SEMA5B: variants seen among roughly 807,000 people sequenced by gnomAD.
The protein encoded by SEMA5B is semaphorin-5B.
Under a neutral mutation model 135.0 loss-of-function variants are expected in SEMA5B, and 66 were observed. The observed-to-expected ratio is 0.49, with a 90% CI of 0.40 to 0.60. The LOEUF is 0.60. Among genes scored for constraint, SEMA5B ranks in the 20% least tolerant of loss-of-function variants. SEMA5B has a pLI of 0.00. For missense variants in SEMA5B, 1,501 were observed against 1,566.3 expected (o/e 0.96, Z 0.70); for synonymous variants, 690 against 639.5 (o/e 1.08, Z -1.19).
chr3:122,938,586 C>G (rs376912804), intron 5 of SEMA5B, among the ~76,000 whole-genome samples: 88 of 152,346 alleles, frequency 5.8e-4, no homozygotes, highest in African/African-American at 1.9e-3. Context: ...AGGTTAGTCA[C>G]TCATCATGTT....
intron 1 of SEMA5B, among the ~76,000 whole-genome samples, chr3:123,008,772 C>G (rs1443601467): frequency 6.6e-6 from 1 of 152,128 alleles, no homozygotes; most frequent in Non-Finnish European, 1.5e-5. Flanking sequence ...CATTTGAAGA[C>G]AGGGGGAGAG....
intron 1 of SEMA5B, among the ~76,000 whole-genome samples, chr3:123,025,182 C>CT (rs1362103805): frequency 6.6e-6 from 1 of 152,198 alleles, no homozygotes; most frequent in African/African-American, 2.4e-5. Flanking sequence ...GGTAAAGGAA[C>CT]TTTTTCCCCT....
At chr3:122,995,058 GCAA>G (rs1041552212) in intron 1 of SEMA5B, among the ~76,000 whole-genome samples, 24 of 152,122 alleles carry the variant, frequency 1.6e-4, no homozygotes, top group Non-Finnish European at 2.9e-4. Context: ...AGGCAGAGGG[GCAA>G]CATGTCAGGT....
In SEMA5B at chr3:122,927,872, T is replaced by C. The variant is rs1366823315; in HGVS notation, c.768A>G (p.Ser256=). ...ELYAATVIDF[S]GRDPAIYRSL... is the part of the protein sequence containing the mutation. Reference sequence around the variant, plus strand: ...TGCGGTAGATGGCAGGGTCCCGACCTGAGAAGTCGATGACCGTGGCTGCAT... The same window carrying C: ...TGCGGTAGATGGCAGGGTCCCGACCCGAGAAGTCGATGACCGTGGCTGCAT... The change falls in exon 8 of 23, where the codon TCA becomes TCG. Residue 256 remains serine (S), a synonymous_variant. Transcript: ENST00000357599. 5.0e-6 allele frequency: 8 copies of C among 1,594,590 alleles called. No homozygotes were observed. Among genetic ancestry groups the C allele is most frequent in the Non-Finnish European group, 6.8e-6 (8 of 1,169,764 alleles).
In SEMA5B at chr3:122,911,319, G is replaced by T. The variant is rs776145112; in HGVS notation, c.3091+172C>A. ...ACAGACTGATGATGGCCTCCTAGCT[G>T]GGGGGGGCATGGAGGGAACTGCCCA... On this transcript the variant is annotated intron_variant, in intron 21 of 22. Transcript: ENST00000357599. 5.4e-6 allele frequency: 8 copies of T among 1,478,372 alleles called. No individual in the cohort carries two copies. In the East Asian group the frequency reaches 1.5e-4, roughly 28 times the overall value. 91.6% of individuals were successfully genotyped at this position (1,478,372 alleles called of 1,614,324 possible). A position where few individuals can be genotyped will look rare whatever the true frequency, so the allele number is the denominator to read the frequency against.
At chr3:122,947,444 T>C (rs895980281) in intron 3 of SEMA5B, among the ~76,000 whole-genome samples, 6 of 151,892 alleles carry the variant, frequency 4.0e-5, no homozygotes, top group East Asian at 1.9e-4. Flanking sequence ...CTAGGCCTCA[T>C]TGGTTGATTT....
chr3:122,948,467 G>A (rs1160923761), intron 3 of SEMA5B, 39 bp downstream of exon 3: 3 of 1,545,414 alleles, frequency 1.9e-6, no homozygotes, highest in Middle Eastern at 2.3e-4. Flanking sequence ...TCAGGACACG[G>A]CCATTGCAAG....
chr3:122,941,886 G>C (rs1188815894), intron 4 of SEMA5B, among the ~76,000 whole-genome samples: 1 of 152,198 alleles, frequency 6.6e-6, no homozygotes, highest in Non-Finnish European at 1.5e-5. Flanking sequence ...TCTTACAACT[G>C]TGTGTAAATC....
At chr3:122,960,022 C>T (rs1243662561) in intron 2 of SEMA5B, among the ~76,000 whole-genome samples, 3 of 152,212 alleles carry the variant, frequency 2.0e-5, no homozygotes, top group Non-Finnish European at 4.4e-5. Context: ...CCTCCTCCCC[C>T]TGGGCAGGCT....
intron 9 of SEMA5B, among the ~76,000 whole-genome samples, chr3:122,925,722 T>A (rs71330978): frequency 0.071 from 10,825 of 152,074 alleles, 425 homozygotes; most frequent in Non-Finnish European, 0.083. Context: ...ATCGTAAAGT[T>A]TTCAGAAAGT....
In SEMA5B at chr3:122,913,383, C is replaced by T. The variant is rs781576073; in HGVS notation, c.2322G>A (p.Arg774=). 1.3e-6 allele frequency: 2 copies of T among 1,579,990 alleles called. No individual in the cohort carries two copies. The highest frequency in any genetic ancestry group is 8.6e-7 in the Non-Finnish European group (1 of 1,168,114). Residue 774 remains arginine, a synonymous_variant, in exon 17 of 23, where the codon CGG becomes CGA. Transcript: ENST00000357599. The part of the protein sequence containing the change: ...TCNPEGCPEV[R]RNTPWTPWLP... ...GCCACGGCGTCCAGGGGGTGTTGCGCCGCACTTCGGGGCAGCCCTCGGGGT... is the reference window on the plus strand; with the variant it reads ...GCCACGGCGTCCAGGGGGTGTTGCGTCGCACTTCGGGGCAGCCCTCGGGGT...
intron 1 of SEMA5B, among the ~76,000 whole-genome samples, chr3:123,007,485 T>G (rs1348126810): frequency 6.6e-6 from 1 of 152,204 alleles, no homozygotes; most frequent in Non-Finnish European, 1.5e-5. Flanking sequence ...ATGTTGAAAT[T>G]TAATCCCCAA....
intron 1 of SEMA5B, among the ~76,000 whole-genome samples, chr3:122,973,583 T>G (rs1941205760): frequency 6.6e-6 from 1 of 152,212 alleles, no homozygotes. Context: ...GGACAGAGTT[T>G]TGTTCCTTTT....
At chr3:122,928,030 C>A (rs754300274) in intron 7 of SEMA5B, 27 bp from the exon 8 acceptor site, 4 of 1,433,254 alleles carry the variant, frequency 2.8e-6, no homozygotes, top group Non-Finnish European at 3.7e-6. Context: ...GAAGGGGACA[C>A]TTTTCCCTGA....
At position 122,948,688 on chromosome 3, in the gene SEMA5B, G is replaced by A; in HGVS notation, c.146C>T (p.Pro49Leu). 6.2e-7 allele frequency: 1 copy of A among 1,605,772 alleles called. No homozygotes were observed. The highest frequency in any genetic ancestry group is 8.5e-7 in the Non-Finnish European group (1 of 1,174,076). Reference protein sequence around the residue: ...LVRGLLPCLPPGARTAEGPIM... With the variant: ...LVRGLLPCLPLGARTAEGPIM... ...AGGCCCCTCTGCAGTCCTAGCTCCGGGAGGCAGACAGGGGAGAAGACCTGC... is the reference window on the plus strand; with the variant it reads ...AGGCCCCTCTGCAGTCCTAGCTCCGAGAGGCAGACAGGGGAGAAGACCTGC... The change falls in exon 3 of 23, where the codon CCC becomes CTC. Residue 49 changes from proline (P) to leucine (L), a missense_variant. Physicochemically the swap from Pro to Leu is moderately conservative, Grantham distance 98 (BLOSUM62 -3). Transcript: ENST00000357599.
chr3:122,970,872 C>T (rs760383719), intron 1 of SEMA5B, among the ~76,000 whole-genome samples: 1 of 152,214 alleles, frequency 6.6e-6, no homozygotes, highest in East Asian at 1.9e-4. Flanking sequence ...AACAGGGCCT[C>T]TTTGCAAAAT....
At chr3:122,954,894 G>A (rs1007923070) in intron 2 of SEMA5B, among the ~76,000 whole-genome samples, 1 of 150,554 alleles carries the variant, frequency 6.6e-6, no homozygotes, top group African/African-American at 2.4e-5. Flanking sequence ...CCAGGCTCAA[G>A]CGATCCTCCC....
chr3:122,910,111 G>A lies in SEMA5B; in HGVS notation c.*32C>T. On this transcript the variant is annotated 3_prime_UTR_variant, in exon 23 of 23. Coordinates refer to ENST00000357599, the MANE Select transcript of SEMA5B (RefSeq NM_001031702.4). Reference sequence around the variant, plus strand: ...CTCCATCTGCTCTGTGCCTTATGAAGGCAAGAAGCCCAAGTCCCCAGGACG... The same window carrying A: ...CTCCATCTGCTCTGTGCCTTATGAAAGCAAGAAGCCCAAGTCCCCAGGACG... The A allele has an allele frequency of 6.2e-7, 1 of 1,607,744 alleles. No homozygotes were observed. The highest frequency in any genetic ancestry group is 8.5e-7 in the Non-Finnish European group (1 of 1,177,032).
chr3:123,005,535 G>A (rs1231415086), intron 1 of SEMA5B, among the ~76,000 whole-genome samples: 2 of 151,958 alleles, frequency 1.3e-5, no homozygotes, highest in African/African-American at 4.8e-5. Context: ...CTAATTTTTT[G>A]TATGTTTTTA....
Sources: allele counts gnomAD v4.1 joint callset (sites outside exome capture counted in the v4.1 genomes callset), GRCh38; gene constraint gnomAD v4.1.1; transcripts MANE v1.5; gene names NCBI Gene and HGNC (gene_info 2026-07-23, HGNC 2026-07-21).